The following SLC38A6 variants were observed in gnomAD, a reference collection of about 807,000 sequenced individuals.
SLC38A6 encodes the protein solute carrier family 38 member 6, also known as N system amino acid transporter NAT-1.
Under a neutral mutation model 65.0 loss-of-function variants are expected in SLC38A6, and 73 were observed. The observed-to-expected ratio is 1.12, with a 90% CI of 0.93 to 1.37. SLC38A6 has a LOEUF of 1.37. Ranked by LOEUF, SLC38A6 falls within the 40% of genes most tolerant of loss-of-function variation. The pLI is 0.00. For synonymous variants in SLC38A6, 183 were observed against 178.8 expected (o/e 1.02, Z -0.19); for missense variants, 561 against 531.1 (o/e 1.06, Z -0.55).
At chr14:61,075,825 GTGTGTGTA>G (rs1409224605) in intron 15 of SLC38A6, among the ~76,000 whole-genome samples, 28 of 139,232 alleles carry the variant, frequency 2.0e-4, no homozygotes, top group Middle Eastern at 3.6e-3. Context: ...GTGTGTGTGT[GTGTGTGTA>G]TGTATTTGGG....
At chr14:61,068,287 A>G (rs977718050) in intron 15 of SLC38A6, among the ~76,000 whole-genome samples, 1 of 152,044 alleles carries the variant, frequency 6.6e-6, no homozygotes, top group African/African-American at 2.4e-5. Flanking sequence ...CCTGCTACCT[A>G]CAGTCCACTT....
intron 5 of SLC38A6, among the ~76,000 whole-genome samples, chr14:61,022,075 C>T (rs1320675956): frequency 6.6e-6 from 1 of 152,032 alleles, no homozygotes; most frequent in Admixed American, 6.6e-5. Flanking sequence ...TCCCTTCTTA[C>T]CCCAAAATTT....
chr14:60,981,526 G>C (rs1204120662), intron 1 of SLC38A6, 144 bp downstream of exon 1: 1 of 1,532,584 alleles, frequency 6.5e-7, no homozygotes, highest in Non-Finnish European at 8.7e-7. Flanking sequence ...TCTGAAGGCA[G>C]CCGCCGAGAT....
chr14:61,017,686 A>G (rs2040102183), intron 4 of SLC38A6, among the ~76,000 whole-genome samples: 1 of 152,264 alleles, frequency 6.6e-6, no homozygotes, highest in African/African-American at 2.4e-5. Context: ...GTATAGCAGC[A>G]AAGTTTAAAG....
Position 61,037,160 on chromosome 14 carries a change from C to A in SLC38A6, c.565+19C>A. Reference sequence around the variant, plus strand: ...AAAATAGGTAAGTCTTTATAGAGCACATTATTTGTTTAGAAAAAGGAAAGA... The same window carrying A: ...AAAATAGGTAAGTCTTTATAGAGCAAATTATTTGTTTAGAAAAAGGAAAGA... On this transcript the variant is annotated intron_variant, in intron 7 of 15. Transcript: ENST00000267488. 6.6e-7 allele frequency: 1 copy of A among 1,514,854 alleles called. No individual in the cohort carries two copies. The highest frequency in any genetic ancestry group is 1.3e-5 in the South Asian group (1 of 78,312). The allele number at this position is 1,514,854 out of a possible 1,614,324, so 93.8% of individuals were successfully genotyped here. A position where few individuals can be genotyped will look rare whatever the true frequency, so the allele number is the denominator to read the frequency against.
intron 4 of SLC38A6, among the ~76,000 whole-genome samples, chr14:61,018,086 T>G (rs1007733697): frequency 6.6e-6 from 1 of 152,106 alleles, no homozygotes; most frequent in African/African-American, 2.4e-5. Flanking sequence ...GGTAGGCAGG[T>G]GGGTAGATAG....
At chr14:60,983,818 T>C (rs1472947566) in intron 2 of SLC38A6, among the ~76,000 whole-genome samples, 3 of 152,324 alleles carry the variant, frequency 2.0e-5, no homozygotes, top group African/African-American at 7.2e-5. Context: ...AAATCATAAT[T>C]TATGCACCAG....
chr14:61,008,608 TA>T lies in SLC38A6; in HGVS notation c.311-7292del, dbSNP rs2039327329. 2.0e-5 allele frequency among the ~76,000 whole-genome samples: 3 copies of T among 152,188 alleles called. No homozygotes were observed. In the South Asian group the frequency reaches 6.2e-4, roughly 31 times the overall value. On this transcript the variant is annotated intron_variant, in intron 3 of 15. Coordinates refer to ENST00000267488, the MANE Select transcript of SLC38A6 (RefSeq NM_153811.3). ...TTATACAAATAGTAGCATCACTAGT[TA>T]AAACATAAAGCTATATGATCTAAAG... is the stretch of plus-strand genomic sequence containing the variant.
intron 15 of SLC38A6, among the ~76,000 whole-genome samples, chr14:61,069,288 C>T (rs1354577798): frequency 6.6e-6 from 1 of 152,052 alleles, no homozygotes; most frequent in Non-Finnish European, 1.5e-5. Context: ...TAGTATTACT[C>T]TCTTGCTCAA....
chr14:61,000,179 G>A lies in SLC38A6; in HGVS notation c.310+15376G>A, dbSNP rs114359024. ...ATATATATTCAAACCATTAACCAAT[G>A]TTTGTAGCATCTGCCATGTGCTTGA... On this transcript the variant is annotated intron_variant, in intron 3 of 15. Coordinates refer to ENST00000267488, the MANE Select transcript of SLC38A6 (RefSeq NM_153811.3). 9.7e-3 allele frequency among the ~76,000 whole-genome samples: 1,473 copies of A among 152,282 alleles called. 15 individuals carry two copies. Among genetic ancestry groups the A allele is most frequent in the African/African-American group, 0.033 (1,364 of 41,554 alleles).
At chr14:61,015,988 A>G in intron 4 of SLC38A6, 32 bp downstream of exon 4, 1 of 1,554,796 alleles carries the variant, frequency 6.4e-7, no homozygotes, top group Non-Finnish European at 8.7e-7. Flanking sequence ...TGTGTCCAAA[A>G]CCCAAAGTGG....
chr14:61,043,724 T>C (rs989219429), intron 10 of SLC38A6, among the ~76,000 whole-genome samples: 2 of 148,536 alleles, frequency 1.3e-5, no homozygotes, highest in African/African-American at 2.5e-5. Flanking sequence ...TTTCCTGGTA[T>C]GCCTTTGAAT....
intron 5 of SLC38A6, among the ~76,000 whole-genome samples, chr14:61,019,801 G>A (rs944534787): frequency 6.6e-6 from 1 of 151,752 alleles, no homozygotes; most frequent in Non-Finnish European, 1.5e-5. Flanking sequence ...GATTGCAGTC[G>A]TGTTATTAGG....
chr14:61,052,399 A>C lies in SLC38A6; in HGVS notation c.1341A>C (p.Ala447=). The C allele has an allele frequency of 1.3e-6, 2 of 1,583,978 alleles. No individual in the cohort carries two copies. The highest frequency in any genetic ancestry group is 1.7e-6 in the Non-Finnish European group (2 of 1,167,694). Residue 447 remains alanine, a synonymous_variant, in exon 16 of 16, where the codon GCA becomes GCC. Coordinates refer to ENST00000267488, the MANE Select transcript of SLC38A6 (RefSeq NM_153811.3). Reference sequence around the variant, plus strand: ...TTTTGGTTGGGAATTTTAGTTTAGCACTCATCATTTTTGATTGGATTAATA... The same window carrying C: ...TTTTGGTTGGGAATTTTAGTTTAGCCCTCATCATTTTTGATTGGATTAATA... The part of the protein sequence containing the change: ...FGILVGNFSL[A]LIIFDWINK
At chr14:61,042,703 A>C (rs2041882892) in intron 8 of SLC38A6, among the ~76,000 whole-genome samples, 1 of 152,122 alleles carries the variant, frequency 6.6e-6, no homozygotes, top group Non-Finnish European at 1.5e-5. Context: ...GAAATCCCTG[A>C]GCTCCTTCTG....
chr14:61,014,797 G>A (rs140851871), intron 3 of SLC38A6, among the ~76,000 whole-genome samples: 1 of 152,184 alleles, frequency 6.6e-6, no homozygotes, highest in African/African-American at 2.4e-5. Flanking sequence ...TGCCCCTACA[G>A]GGGGGTGCCT....
intron 4 of SLC38A6, among the ~76,000 whole-genome samples, chr14:61,018,814 A>G (rs2040175682): frequency 6.6e-6 from 1 of 152,240 alleles, no homozygotes; most frequent in Non-Finnish European, 1.5e-5. Context: ...GCATCATTAA[A>G]GTATGAAAAA....
chr14:61,045,532 G>T, intron 11 of SLC38A6, 107 bp downstream of exon 11: 1 of 787,634 alleles, frequency 1.3e-6, no homozygotes, highest in Non-Finnish European at 2.1e-6. Flanking sequence ...TCTCATCAGT[G>T]GATCCTAAGT....
intron 12 of SLC38A6, among the ~76,000 whole-genome samples, chr14:61,046,398 C>G (rs938246334): frequency 6.6e-6 from 1 of 152,062 alleles, no homozygotes; most frequent in Admixed American, 6.6e-5. Flanking sequence ...TTCTTAAACA[C>G]TTAAGTAAAA....
Sources: gnomAD v4.1 joint callset for allele counts (sites outside exome capture counted in the v4.1 genomes callset) on GRCh38, gnomAD v4.1.1 for gene constraint, MANE v1.5 for transcripts, NCBI Gene and HGNC (gene_info 2026-07-23, HGNC 2026-07-21) for gene names.